The following AGAP1 variants were observed in gnomAD, a reference collection of about 807,000 sequenced individuals.
AGAP1 encodes ArfGAP with GTPase domain, ankyrin repeat and PH domain 1.
Under a neutral mutation model 105.3 loss-of-function variants are expected in AGAP1, and 29 were observed. That is an observed-to-expected ratio of 0.28 (90% CI 0.21 to 0.38). The LOEUF (loss-of-function observed/expected upper bound fraction) is 0.38, where lower values mean the gene tolerates loss of function less well. Ranked by LOEUF, AGAP1 falls within the 10% of genes least tolerant of loss-of-function variation. The pLI is 1.00. For missense variants in AGAP1, 998 were observed against 1,165.1 expected, an observed-to-expected ratio of 0.86 and a Z score of 2.09; for synonymous variants, 509 against 485.9, an observed-to-expected ratio of 1.05 and a Z score of -0.63.
rs149037227 is a variant in AGAP1, at chr2:235,799,943, G to C, written c.957+421G>C. ...TGCTGGGGTGCCTGGCGCTGCCCTCGGGGTGGAGGTGGGGGACTGGGAGGT... is the reference window on the plus strand; with the variant it reads ...TGCTGGGGTGCCTGGCGCTGCCCTCCGGGTGGAGGTGGGGGACTGGGAGGT... On this transcript the variant is annotated intron_variant, in intron 8 of 17. Coordinates refer to ENST00000304032, the MANE Select transcript of AGAP1 (RefSeq NM_001037131.3). This position sits in a 1 kb window ranked among gnomAD's most constrained non-coding sequence, Gnocchi z 5.0. 6.6e-6 allele frequency among the ~76,000 whole-genome samples: 1 copy of C among 151,950 alleles called. No individual in the cohort carries two copies. The highest frequency in any genetic ancestry group is 1.5e-5 in the Non-Finnish European group (1 of 68,000).
chr2:235,684,408 G>C (rs981366860), intron 1 of AGAP1, among the ~76,000 whole-genome samples: 1 of 152,098 alleles, frequency 6.6e-6, no homozygotes, highest in African/African-American at 2.4e-5. Flanking sequence ...GCAAGCCCTA[G>C]GCTTCATTCT....
chr2:235,761,560 G>A (rs1954440478), intron 6 of AGAP1, among the ~76,000 whole-genome samples: 3 of 152,218 alleles, frequency 2.0e-5, no homozygotes, highest in Non-Finnish European at 1.5e-5. Flanking sequence ...TTAGCGTGAT[G>A]TATCATTAAT....
At chr2:235,786,932 C>T (rs1355411171) in intron 6 of AGAP1, among the ~76,000 whole-genome samples, 1 of 152,250 alleles carries the variant, frequency 6.6e-6, no homozygotes, top group Admixed American at 6.5e-5. Flanking sequence ...CTTGTTCTGG[C>T]TCCCGTATTC....
intron 6 of AGAP1, among the ~76,000 whole-genome samples, chr2:235,782,596 C>A (rs1447757728): frequency 7.2e-5 from 11 of 152,088 alleles, no homozygotes; most frequent in Admixed American, 3.9e-4. Context: ...TTTTTTCCCC[C>A]TTCAAAATGA....
In AGAP1 at chr2:236,000,534, C is replaced by G. The variant is rs1020096536; in HGVS notation, c.1645+31911C>G. 6.6e-6 allele frequency among the ~76,000 whole-genome samples: 1 copy of G among 152,186 alleles called. No individual in the cohort carries two copies. The highest frequency in any genetic ancestry group is 6.5e-5 in the Admixed American group (1 of 15,282). The stretch of plus-strand genomic sequence containing the variant: ...TGGTGGGGTGTGCATCCCCCACCCC[C>G]CAAGCCTGTTCCTAGAAGGCCATGG... On this transcript the variant is annotated intron_variant, in intron 13 of 17. Transcript: ENST00000304032. This position sits in a 1 kb window ranked among gnomAD's most constrained non-coding sequence, Gnocchi z 4.3.
chr2:235,933,879 G>A (rs1227552236), intron 12 of AGAP1, among the ~76,000 whole-genome samples: 2 of 152,158 alleles, frequency 1.3e-5, no homozygotes, highest in Non-Finnish European at 2.9e-5. Context: ...TGAAAAGGGA[G>A]ACAATAATCG....
At chr2:235,950,979 GCAAA>G (rs1484551466) in intron 12 of AGAP1, among the ~76,000 whole-genome samples, 70 of 146,158 alleles carry the variant, frequency 4.8e-4, no homozygotes, top group African/African-American at 1.7e-3. Context: ...CTTTGGTGGT[GCAAA>G]CAAAGTCAGT....
chr2:235,643,382 G>C (rs974281858), intron 1 of AGAP1, among the ~76,000 whole-genome samples: 1 of 129,254 alleles, frequency 7.7e-6, no homozygotes, highest in African/African-American at 2.9e-5. Context: ...AGTGAGCCGA[G>C]ATTGTGCCAT....
rs370201374 is a variant in AGAP1 at position 235,951,102 on chromosome 2, T to C, written c.1484-17360T>C. ...TCTAGTTTTTAAATATCATTAATTC[T>C]GGAGGTTGCACTCTGAATGATTTCT... On this transcript the variant is annotated intron_variant, in intron 12 of 17. Transcript: ENST00000304032. The surrounding 1 kb of genome is among the most constrained non-coding windows in gnomAD (Gnocchi z 4.2). Among the ~76,000 whole-genome samples the C allele has an allele frequency of 8.3e-4, 127 of 152,348 alleles. 2 individuals are homozygous for C. In the South Asian group the frequency reaches 0.012, roughly 14 times the overall value.
chr2:236,074,265 A>G (rs1042659302), intron 16 of AGAP1, among the ~76,000 whole-genome samples: 3 of 151,870 alleles, frequency 2.0e-5, no homozygotes, highest in African/African-American at 7.3e-5. Context: ...AGGCTAAACA[A>G]GAAGACCCCC....
intron 11 of AGAP1, among the ~76,000 whole-genome samples, chr2:235,928,829 C>T (rs1037628206): frequency 6.6e-6 from 1 of 152,174 alleles, no homozygotes; most frequent in Non-Finnish European, 1.5e-5. Flanking sequence ...CATGAGTGCT[C>T]CCCTTAGTGC....
At chr2:235,670,948 C>G (rs1329603926) in intron 1 of AGAP1, 2 of 1,318,548 alleles carry the variant, frequency 1.5e-6, no homozygotes, top group Admixed American at 8.0e-5. Flanking sequence ...GCGGCGGGCC[C>G]TCGCCACGGA....
At chr2:235,757,672 G>A (rs182971669) in intron 6 of AGAP1, among the ~76,000 whole-genome samples, 2 of 152,268 alleles carry the variant, frequency 1.3e-5, no homozygotes, top group East Asian at 1.9e-4. Context: ...CCGAGAGCCC[G>A]AGCTGGGAGA....
rs1486738895 is a variant in AGAP1, at chr2:235,612,010, C to T, written c.164-97169C>T. Among the ~76,000 whole-genome samples the T allele has an allele frequency of 6.6e-6, 1 of 152,194 alleles. No homozygotes were observed. Among genetic ancestry groups the T allele is most frequent in the Non-Finnish European group, 1.5e-5 (1 of 68,032 alleles). ...CCTGCTAGGCAGTCCTCCATCAATACTGATGTTAATAATTATGTAAAATCA... is the reference window on the plus strand; with the variant it reads ...CCTGCTAGGCAGTCCTCCATCAATATTGATGTTAATAATTATGTAAAATCA... On this transcript the variant is annotated intron_variant, in intron 1 of 17. Coordinates refer to ENST00000304032, the MANE Select transcript of AGAP1 (RefSeq NM_001037131.3). This position sits in a 1 kb window ranked among gnomAD's most constrained non-coding sequence, Gnocchi z 4.3.
At chr2:235,851,955 A>C (rs2048483625) in intron 9 of AGAP1, among the ~76,000 whole-genome samples, 1 of 152,166 alleles carries the variant, frequency 6.6e-6, no homozygotes, top group Non-Finnish European at 1.5e-5. Flanking sequence ...ATGAAAATAC[A>C]TTAAAGTGGG....
In AGAP1 at chr2:236,083,850, T is replaced by C. The variant is rs549701588; in HGVS notation, c.2114+34569T>C. Among the ~76,000 whole-genome samples the C allele has an allele frequency of 3.9e-5, 6 of 152,230 alleles. No individual in the cohort carries two copies. The East Asian group carries it at 9.6e-4, about 24-fold the overall frequency. ...ATCCCATTCGATGCTCTGCCCTCAA[T>C]TAAATGAATCCGAGATAAATGGGCA... is the stretch of plus-strand genomic sequence containing the variant. On this transcript the variant is annotated intron_variant, in intron 16 of 17. Transcript: ENST00000304032. This position sits in a 1 kb window ranked among gnomAD's most constrained non-coding sequence, Gnocchi z 5.3.
intron 2 of AGAP1, among the ~76,000 whole-genome samples, chr2:235,715,952 A>C (rs754899720): frequency 4.6e-5 from 7 of 152,156 alleles, no homozygotes; most frequent in Non-Finnish European, 7.3e-5. Context: ...TCGAGGCGTG[A>C]ATACCGCATA....
At chr2:235,759,450 T>A (rs1386719178) in intron 6 of AGAP1, among the ~76,000 whole-genome samples, 1 of 152,000 alleles carries the variant, frequency 6.6e-6, no homozygotes, top group Non-Finnish European at 1.5e-5. Context: ...ATTACAGGCG[T>A]GAGCCACCGC....
At chr2:235,571,975 T>TAC (rs371181654) in intron 1 of AGAP1, among the ~76,000 whole-genome samples, 3,977 of 78,934 alleles carry the variant, frequency 0.05, 248 homozygotes, top group African/African-American at 0.13. Context: ...TATATATGTA[T>TAC]ACACACACAC....
Sources: allele counts gnomAD v4.1 joint callset (sites outside exome capture counted in the v4.1 genomes callset), GRCh38; gene constraint gnomAD v4.1.1; non-coding constraint Gnocchi (gnomAD v3.1); transcripts MANE v1.5; gene names NCBI Gene and HGNC (gene_info 2026-07-23, HGNC 2026-07-21).